The following APOO variants were observed in gnomAD, a reference collection of about 807,000 sequenced individuals.
The protein encoded by APOO is apolipoprotein O, also known as MICOS complex subunit MIC26.
APOO carries 11 observed loss-of-function variants against 23.1 expected under a neutral mutation model. That is an observed-to-expected ratio of 0.48 (90% CI 0.30 to 0.79). The LOEUF is 0.79. APOO is among the 30% of genes least tolerant of loss of function. The probability of loss-of-function intolerance (pLI) is 0.07; values close to 1 mark genes in which losing one functional copy is unlikely to be tolerated. For synonymous variants in APOO, 59 were observed against 54.8 expected, an observed-to-expected ratio of 1.08 and a Z score of -0.34; for missense variants, 160 against 142.7, an observed-to-expected ratio of 1.12 and a Z score of -0.62.
At chrX:23,878,161 T>C (rs1324303535) in intron 3 of APOO, among the ~76,000 whole-genome samples, 1 of 112,020 alleles carries the variant, frequency 8.9e-6, no homozygotes, top group African/African-American at 3.2e-5. Context: ...GGCACTGATT[T>C]GTATAGTGGG....
intron 4 of APOO, among the ~76,000 whole-genome samples, chrX:23,870,256 C>A (rs1925548565): frequency 9.0e-6 from 1 of 111,332 alleles, no homozygotes; most frequent in Admixed American, 9.7e-5. Flanking sequence ...TACTTCCACA[C>A]AAAAGCCTTT....
At chrX:23,898,533 T>C (rs1024024517) in intron 1 of APOO, among the ~76,000 whole-genome samples, 1 of 111,605 alleles carries the variant, frequency 9.0e-6, no homozygotes, top group African/African-American at 3.3e-5. Flanking sequence ...ACTGTAAGCC[T>C]TTTTTGGAAA....
At chrX:23,858,289 T>C (rs950949684) in intron 6 of APOO, among the ~76,000 whole-genome samples, 8 of 109,605 alleles carry the variant, frequency 7.3e-5, no homozygotes, top group Non-Finnish European at 1.5e-4. Flanking sequence ...CGAGAGCAGG[T>C]TGTGACCGGA....
At chrX:23,900,674 CAAA>C (rs967658475) in intron 1 of APOO, among the ~76,000 whole-genome samples, 3 of 24,809 alleles carry the variant, frequency 1.2e-4, no homozygotes, top group South Asian at 2.0e-3. Context: ...GACTCCGGCT[CAAA>C]AAAAAAAAAA....
At chrX:23,904,285 G>A (rs1927257349) in intron 1 of APOO, among the ~76,000 whole-genome samples, 1 of 110,898 alleles carries the variant, frequency 9.0e-6, no homozygotes, top group South Asian at 3.8e-4. Flanking sequence ...AAGCCAATCA[G>A]ATCATGGCAT....
At chrX:23,880,590 T>C (rs1490967000) in intron 2 of APOO, among the ~76,000 whole-genome samples, 1 of 109,616 alleles carries the variant, frequency 9.1e-6, no homozygotes, top group Non-Finnish European at 1.9e-5. Flanking sequence ...TCCCAGCTAC[T>C]TGGGAGGCTG....
intron 7 of APOO, among the ~76,000 whole-genome samples, chrX:23,855,497 T>A (rs7882795): frequency 0.28 from 30,927 of 110,468 alleles, 3,228 homozygotes; most frequent in South Asian, 0.42. Flanking sequence ...TATTTTTTTT[T>A]AAAAAGTATT....
chrX:23,858,762 C>G lies in APOO; in HGVS notation c.389-29G>C, dbSNP rs1373574783. 6.2e-6 allele frequency: 7 copies of G among 1,124,940 alleles called. No homozygotes were observed. In the South Asian group the frequency reaches 1.3e-4, roughly 21 times the overall value. The allele number at this position is 1,124,940 out of a possible 1,213,427, so 92.7% of individuals were successfully genotyped here. On this transcript the variant is annotated intron_variant, in intron 5 of 8. Coordinates refer to ENST00000379226, the MANE Select transcript of APOO (RefSeq NM_024122.5). Reference sequence around the variant, plus strand: ...ATAAATAAAAGGTTGTACACGCCATCAGATGATTCATTATCCTCACCATCA... The same window carrying G: ...ATAAATAAAAGGTTGTACACGCCATGAGATGATTCATTATCCTCACCATCA...
intron 1 of APOO, among the ~76,000 whole-genome samples, chrX:23,891,828 A>G (rs7878859): frequency 0.016 from 1,695 of 109,121 alleles, 31 homozygotes; most frequent in African/African-American, 0.052. Flanking sequence ...ATGTATATAA[A>G]CTATATGTAT....
At position 23,907,727 on chromosome X, in the gene APOO, A is replaced by AGGGTCACCCCGGCC; in HGVS notation, c.-39_-26dup. 1 of 1,160,281 alleles carries AGGGTCACCCCGGCC rather than the reference A, an allele frequency of 8.6e-7. No homozygotes were observed. On this transcript the variant is annotated 5_prime_UTR_variant, in exon 1 of 9. Coordinates refer to ENST00000379226, the MANE Select transcript of APOO (RefSeq NM_024122.5). Reference sequence around the variant, plus strand: ...TGTCGCTGGCAGCGGAGGCTCCGGCAGGGTCACCCCGGCCTCGGCCACGCC... The same window carrying AGGGTCACCCCGGCC: ...TGTCGCTGGCAGCGGAGGCTCCGGCAGGGTCACCCCGGCCGGGTCACCCCGGCCTCGGCCACGCC...
intron 6 of APOO, 115 bp downstream of exon 6, chrX:23,858,527 A>G: frequency 1.5e-6 from 1 of 679,894 alleles, no homozygotes; most frequent in Non-Finnish European, 2.2e-6. Context: ...CTATATGTAC[A>G]AACAAATTTT....
chrX:23,892,232 G>GCCA (rs1454824053), intron 1 of APOO, among the ~76,000 whole-genome samples: 1 of 106,596 alleles, frequency 9.4e-6, no homozygotes, highest in Non-Finnish European at 1.9e-5. Flanking sequence ...ATTACAGGCA[G>GCCA]CCACCACCAC....
rs1468547275 is a variant in APOO, at chrX:23,847,487, G to T, written c.562-7110C>A. 2.7e-5 allele frequency among the ~76,000 whole-genome samples: 3 copies of T among 109,529 alleles called. No individual in the cohort carries two copies. In the Admixed American group the frequency reaches 2.9e-4, roughly 11 times the overall value. On this transcript the variant is annotated intron_variant, in intron 7 of 8. Coordinates refer to ENST00000379226, the MANE Select transcript of APOO (RefSeq NM_024122.5). Reference sequence around the variant, plus strand: ...TAAAAATACAAAAAATTAGCTGGGCGTGGTGACGCGTGCCTGTAGTCCCAG... The same window carrying T: ...TAAAAATACAAAAAATTAGCTGGGCTTGGTGACGCGTGCCTGTAGTCCCAG...
intron 5 of APOO, among the ~76,000 whole-genome samples, chrX:23,868,074 A>C (rs997517192): frequency 8.9e-6 from 1 of 112,512 alleles, no homozygotes; most frequent in African/African-American, 3.2e-5. Context: ...TCATCATAGC[A>C]AAGTATTTTA....
chrX:23,876,205 G>A (rs767102921), intron 3 of APOO, among the ~76,000 whole-genome samples: 66 of 110,602 alleles, frequency 6.0e-4, no homozygotes, highest in African/African-American at 2.0e-3. Context: ...GGTGCTTGCG[G>A]TGAGCCGAGA....
intron 7 of APOO, among the ~76,000 whole-genome samples, chrX:23,852,380 C>CCT (rs1261625621): frequency 9.0e-6 from 1 of 110,664 alleles, no homozygotes; most frequent in Admixed American, 9.7e-5. Context: ...GGGCAGATCA[C>CCT]GAGGTCAGGA....
intron 7 of APOO, among the ~76,000 whole-genome samples, chrX:23,849,667 G>A (rs1030415702): frequency 1.9e-5 from 2 of 104,879 alleles, no homozygotes; most frequent in Admixed American, 2.1e-4. Context: ...CGAGGCAGGT[G>A]GACTGCCTGA....
At position 23,840,344 on chromosome X, in the gene APOO, A is replaced by T; in HGVS notation, c.595T>A (p.Ter199LysextTer13). ...GNVKNSPGTK* is the reference protein window; with the variant it reads ...GNVKNSPGTKK ...AAGATGGCAGAGCATGGAGTTTTCTACTTAGTTCCAGGTGAATTCTTCACA... is the reference window on the plus strand; with the variant it reads ...AAGATGGCAGAGCATGGAGTTTTCTTCTTAGTTCCAGGTGAATTCTTCACA... Residue 199 changes from the stop codon to lysine (K), a stop_lost, in exon 8 of 9, where the codon TAG becomes AAG. Coordinates refer to ENST00000379226, the MANE Select transcript of APOO (RefSeq NM_024122.5). 8.3e-7 allele frequency: 1 copy of T among 1,198,039 alleles called. No homozygotes were observed. Among genetic ancestry groups the T allele is most frequent in the Non-Finnish European group, 1.1e-6 (1 of 889,558 alleles).
At chrX:23,886,428 G>A (rs1926368173) in intron 1 of APOO, among the ~76,000 whole-genome samples, 1 of 111,676 alleles carries the variant, frequency 9.0e-6, no homozygotes, top group South Asian at 3.7e-4. Context: ...AGCTCAAATT[G>A]TACAACTAAG....
Sources: allele counts gnomAD v4.1 joint callset (sites outside exome capture counted in the v4.1 genomes callset), GRCh38; gene constraint gnomAD v4.1.1; transcripts MANE v1.5; gene names NCBI Gene and HGNC (gene_info 2026-07-23, HGNC 2026-07-21).